Variants in GNAQ observed in about 807,000 individuals in gnomAD.
The protein encoded by GNAQ is guanine nucleotide-binding protein G(q) subunit alpha.
Under a neutral mutation model 43.9 loss-of-function variants are expected in GNAQ, and 8 were observed. That is an observed-to-expected ratio of 0.18 (90% CI 0.11 to 0.33). GNAQ has a LOEUF of 0.33. Among genes scored for constraint, GNAQ ranks in the 10% least tolerant of loss-of-function variants. GNAQ has a pLI of 1.00. For missense variants in GNAQ, 158 were observed against 450.8 expected (o/e 0.35, Z 5.88); for synonymous variants, 155 against 170.7 (o/e 0.91, Z 0.71).
chr9:77,790,946 C>T (rs542576037), intron 5 of GNAQ, among the ~76,000 whole-genome samples: 47 of 152,316 alleles, frequency 3.1e-4, no homozygotes, highest in South Asian at 1.0e-3. Context: ...GTATTATAAA[C>T]GTCTATGCTT....
intron 2 of GNAQ, among the ~76,000 whole-genome samples, chr9:77,866,306 C>T (rs1364045658): frequency 6.6e-6 from 1 of 152,070 alleles, no homozygotes; most frequent in African/African-American, 2.4e-5. Context: ...GGTGAAGCCC[C>T]ATCTCTATTA....
chr9:77,745,137 C>T (rs2060575), intron 5 of GNAQ, among the ~76,000 whole-genome samples: 85,055 of 151,924 alleles, frequency 0.56, 27,039 homozygotes, highest in Non-Finnish European at 0.72. Flanking sequence ...TTCAGTTCTG[C>T]GAGAGGCAGG....
At chr9:77,837,573 T>TA (rs1827410645) in intron 2 of GNAQ, among the ~76,000 whole-genome samples, 2 of 151,862 alleles carry the variant, frequency 1.3e-5, no homozygotes, top group Admixed American at 6.6e-5. Flanking sequence ...TAGATTTTTT[T>TA]TAAAAAAGCT....
intron 1 of GNAQ, among the ~76,000 whole-genome samples, chr9:78,022,104 A>T (rs1181235570): frequency 6.6e-6 from 1 of 152,178 alleles, no homozygotes; most frequent in Non-Finnish European, 1.5e-5. Context: ...AGTGCTCCCC[A>T]CTGCAGGGCA....
At chr9:77,962,720 T>A (rs931595313) in intron 1 of GNAQ, among the ~76,000 whole-genome samples, 1 of 151,726 alleles carries the variant, frequency 6.6e-6, no homozygotes, top group Non-Finnish European at 1.5e-5. Flanking sequence ...TGAAACCCCG[T>A]GTCTAATAAA....
chr9:77,743,264 AAAC>A (rs1825680143), intron 5 of GNAQ, among the ~76,000 whole-genome samples: 1 of 150,748 alleles, frequency 6.6e-6, no homozygotes, highest in Non-Finnish European at 1.5e-5. Context: ...CTCAAACAAA[AAAC>A]AAAAAACAAA....
chr9:77,977,103 G>A (rs897940942), intron 1 of GNAQ, among the ~76,000 whole-genome samples: 11 of 152,090 alleles, frequency 7.2e-5, no homozygotes, highest in Admixed American at 2.0e-4. Context: ...TTGAAAAATG[G>A]GATTATTTAG....
intron 3 of GNAQ, among the ~76,000 whole-genome samples, chr9:77,810,237 TCTA>T (rs1826898969): frequency 6.6e-6 from 1 of 151,860 alleles, no homozygotes; most frequent in Non-Finnish European, 1.5e-5. Flanking sequence ...TATCTATCTA[TCTA>T]TCTATCTATC....
intron 1 of GNAQ, among the ~76,000 whole-genome samples, chr9:77,923,014 ATT>A (rs11353032): frequency 9.6e-5 from 14 of 146,146 alleles, no homozygotes; most frequent in East Asian, 2.0e-4. Context: ...TGCCCAGCTA[ATT>A]TTTTTTTTTT....
chr9:77,775,263 A>C (rs974585134), intron 5 of GNAQ, among the ~76,000 whole-genome samples: 1 of 152,214 alleles, frequency 6.6e-6, no homozygotes, highest in Non-Finnish European at 1.5e-5. Flanking sequence ...AACTACAATT[A>C]GCAATAACAT....
At chr9:77,830,899 C>T (rs992099318) in intron 2 of GNAQ, among the ~76,000 whole-genome samples, 1 of 151,932 alleles carries the variant, frequency 6.6e-6, no homozygotes, top group African/African-American at 2.4e-5. Context: ...GAGAAAAAGT[C>T]CTTTAAAGAA....
Position 78,031,527 on chromosome 9 carries a change from C to A in GNAQ, c.-292G>T. ...GCGCGTGAGAGAAGGCCGCCGCGCCCGGCCTCGCTCAGACGCCCGCGCCTC... is the reference window on the plus strand; with the variant it reads ...GCGCGTGAGAGAAGGCCGCCGCGCCAGGCCTCGCTCAGACGCCCGCGCCTC... On this transcript the variant is annotated 5_prime_UTR_variant, in exon 1 of 7. Transcript: ENST00000286548. 6.4e-6 allele frequency: 1 copy of A among 156,238 alleles called. No individual in the cohort carries two copies. The highest frequency in any genetic ancestry group is 1.4e-5 in the Non-Finnish European group (1 of 70,556). The allele number at this position is 156,238 out of a possible 1,614,324, so 9.7% of individuals were successfully genotyped here.
chr9:77,864,805 G>A (rs1251276019), intron 2 of GNAQ, among the ~76,000 whole-genome samples: 1 of 152,104 alleles, frequency 6.6e-6, no homozygotes, highest in African/African-American at 2.4e-5. Flanking sequence ...CTCTTTTCTG[G>A]TTCTGCTCAC....
chr9:77,876,712 A>G (rs1181740496), intron 2 of GNAQ, among the ~76,000 whole-genome samples: 2 of 152,162 alleles, frequency 1.3e-5, no homozygotes, highest in African/African-American at 4.8e-5. Context: ...AACCTATATG[A>G]TAAGTATTAT....
chr9:77,761,184 C>T (rs370888666), intron 5 of GNAQ, among the ~76,000 whole-genome samples: 1,707 of 88,984 alleles, frequency 0.019, no homozygotes, highest in Admixed American at 0.039. Context: ...GCCTCCCGCC[C>T]GGCCAGTGAG....
intron 3 of GNAQ, among the ~76,000 whole-genome samples, chr9:77,806,240 T>C (rs931987474): frequency 2.0e-5 from 3 of 152,270 alleles, no homozygotes; most frequent in African/African-American, 7.2e-5. Context: ...TTCCAAGCTA[T>C]TGGTTAATTT....
chr9:78,008,591 TTTCATTTCATTTCATTTCATTTCATTTC>T (rs1823734533), intron 1 of GNAQ, among the ~76,000 whole-genome samples: 3 of 151,366 alleles, frequency 2.0e-5, no homozygotes, highest in African/African-American at 7.3e-5. Flanking sequence ...TTTCATTTCA[TTTCATTTCATTTCATTTCATTTCATTTC>T]ATTTTATTTT....
intron 1 of GNAQ, among the ~76,000 whole-genome samples, chr9:77,938,509 C>T (rs1249944347): frequency 2.0e-5 from 3 of 152,090 alleles, no homozygotes; most frequent in East Asian, 1.9e-4. Flanking sequence ...AGAAAGCTAC[C>T]GCAAGGCCCA....
intron 1 of GNAQ, among the ~76,000 whole-genome samples, chr9:77,949,592 A>C (rs574307957): frequency 2.0e-4 from 30 of 152,290 alleles, no homozygotes; most frequent in Non-Finnish European, 8.8e-5. Context: ...AGCCACAACC[A>C]GTATCTCAGC....
Sources: gnomAD v4.1 joint callset for allele counts (sites outside exome capture counted in the v4.1 genomes callset) on GRCh38, gnomAD v4.1.1 for gene constraint, MANE v1.5 for transcripts, NCBI Gene and HGNC (gene_info 2026-07-23, HGNC 2026-07-21) for gene names.